The following GABRB1 variants were observed in gnomAD, a reference collection of about 807,000 sequenced individuals.
GABRB1 encodes gamma-aminobutyric acid type A receptor subunit beta1.
In GABRB1, 17 loss-of-function variants were observed where a neutral mutation model predicts 51.6. The observed-to-expected ratio is 0.33, with a 90% CI of 0.23 to 0.49. The LOEUF is 0.49. Ranked by LOEUF, GABRB1 falls within the 20% of genes least tolerant of loss-of-function variation. The probability of loss-of-function intolerance (pLI) is 0.99; values close to 1 mark genes in which losing one functional copy is unlikely to be tolerated. For synonymous variants in GABRB1, 247 were observed against 218.9 expected, an observed-to-expected ratio of 1.13 and a Z score of -1.14; for missense variants, 410 against 600.6, an observed-to-expected ratio of 0.68 and a Z score of 3.32.
At chr4:47,373,833 T>C (rs1170296995) in intron 5 of GABRB1, among the ~76,000 whole-genome samples, 1 of 152,134 alleles carries the variant, frequency 6.6e-6, no homozygotes, top group Non-Finnish European at 1.5e-5. Context: ...AAGATACATA[T>C]AGAGTGCGTA....
intron 4 of GABRB1, among the ~76,000 whole-genome samples, chr4:47,184,941 C>A (rs1412262984): frequency 6.6e-6 from 1 of 151,800 alleles, no homozygotes; most frequent in Non-Finnish European, 1.5e-5. Context: ...TTTTTATCTA[C>A]AAAACGATTA....
At chr4:47,135,626 A>AG (rs1716612079) in intron 3 of GABRB1, among the ~76,000 whole-genome samples, 1 of 152,016 alleles carries the variant, frequency 6.6e-6, no homozygotes, top group African/African-American at 2.4e-5. Flanking sequence ...CCTATTCTCT[A>AG]GTGCAAGCCT....
At chr4:47,083,038 G>A (rs770574813) in intron 3 of GABRB1, among the ~76,000 whole-genome samples, 5 of 152,136 alleles carry the variant, frequency 3.3e-5, no homozygotes, top group Non-Finnish European at 5.9e-5. Context: ...CTCTGCTAAA[G>A]TGCTACAGAA....
intron 3 of GABRB1, among the ~76,000 whole-genome samples, chr4:47,097,226 A>T (rs1381110644): frequency 6.6e-6 from 1 of 152,138 alleles, no homozygotes; most frequent in Non-Finnish European, 1.5e-5. Context: ...AATTTTTTTC[A>T]GACATTATCT....
chr4:47,176,600 C>A (rs921409885), intron 4 of GABRB1, among the ~76,000 whole-genome samples: 1 of 151,828 alleles, frequency 6.6e-6, no homozygotes, highest in Non-Finnish European at 1.5e-5. Context: ...AAGAGGGAGA[C>A]CTAGATTTGG....
intron 3 of GABRB1, among the ~76,000 whole-genome samples, chr4:47,068,605 C>T (rs1273681596): frequency 6.6e-6 from 1 of 152,240 alleles, no homozygotes; most frequent in African/African-American, 2.4e-5. Flanking sequence ...GAGGAAACAG[C>T]TTGTTGGTGG....
intron 2 of GABRB1, 114 bp from the exon 3 acceptor site, chr4:47,032,303 G>A (rs1314206917): frequency 3.1e-6 from 3 of 975,532 alleles, no homozygotes; most frequent in East Asian, 4.8e-5. Context: ...GGTGGTGGGG[G>A]GAGCAGGGAG....
At chr4:47,200,005 G>T (rs955141631) in intron 4 of GABRB1, among the ~76,000 whole-genome samples, 1 of 152,102 alleles carries the variant, frequency 6.6e-6, no homozygotes, top group Non-Finnish European at 1.5e-5. Context: ...ATTAACCAGG[G>T]TTATACTCTA....
At chr4:47,214,140 C>T (rs569043722) in intron 4 of GABRB1, among the ~76,000 whole-genome samples, 87 of 152,264 alleles carry the variant, frequency 5.7e-4, no homozygotes, top group African/African-American at 1.9e-3. Flanking sequence ...GATGGTTGTT[C>T]TCCATCTGTG....
chr4:47,183,623 C>T (rs569614068), intron 4 of GABRB1, among the ~76,000 whole-genome samples: 25 of 151,578 alleles, frequency 1.6e-4, no homozygotes, highest in Admixed American at 9.9e-4. Flanking sequence ...ATATAAATAC[C>T]TTCTTTTCCT....
chr4:47,116,901 G>T (rs1489282969), intron 3 of GABRB1, among the ~76,000 whole-genome samples: 1 of 152,076 alleles, frequency 6.6e-6, no homozygotes, highest in Non-Finnish European at 1.5e-5. Flanking sequence ...TCACATGGTG[G>T]AGCAGGAGAG....
At chr4:47,169,045 C>T (rs988919315) in intron 4 of GABRB1, among the ~76,000 whole-genome samples, 4 of 152,062 alleles carry the variant, frequency 2.6e-5, no homozygotes, top group Admixed American at 2.0e-4. Context: ...CTTGATTACC[C>T]CTCTAAAGAC....
chr4:47,189,992 G>C (rs1011938681), intron 4 of GABRB1, among the ~76,000 whole-genome samples: 1 of 151,990 alleles, frequency 6.6e-6, no homozygotes, highest in African/African-American at 2.4e-5. Flanking sequence ...TGGCATTCAT[G>C]ATTCCAGAAA....
intron 1 of GABRB1, among the ~76,000 whole-genome samples, chr4:47,024,920 G>T (rs1256062830): frequency 2.0e-5 from 1 of 49,680 alleles, no homozygotes; most frequent in African/African-American, 1.0e-4. Context: ...TTTATGGCTG[G>T]GTAGTATTCC....
chr4:47,107,104 G>A (rs1053244949), intron 3 of GABRB1, among the ~76,000 whole-genome samples: 2 of 152,070 alleles, frequency 1.3e-5, no homozygotes, highest in Non-Finnish European at 2.9e-5. Context: ...CAGCTAAAGA[G>A]CATCAGAAAG....
At chr4:47,092,467 C>T (rs1347986768) in intron 3 of GABRB1, among the ~76,000 whole-genome samples, 2 of 151,926 alleles carry the variant, frequency 1.3e-5, no homozygotes, top group Non-Finnish European at 2.9e-5. Context: ...GCCACTGCAC[C>T]CCGCCAATTC....
intron 5 of GABRB1, among the ~76,000 whole-genome samples, chr4:47,393,603 TAAA>T (rs1204546199): frequency 6.6e-6 from 1 of 152,234 alleles, no homozygotes; most frequent in Non-Finnish European, 1.5e-5. Context: ...GTTTTCTTGC[TAAA>T]ATTGAGTTGC....
At chr4:47,417,639 A>G (rs1728973692) in intron 8 of GABRB1, among the ~76,000 whole-genome samples, 1 of 152,230 alleles carries the variant, frequency 6.6e-6, no homozygotes, top group Non-Finnish European at 1.5e-5. Flanking sequence ...AGTTGGCTTC[A>G]TTAAGTAGAG....
chr4:47,335,546 C>A (rs1224819674), intron 5 of GABRB1, among the ~76,000 whole-genome samples: 6 of 152,078 alleles, frequency 3.9e-5, no homozygotes, highest in African/African-American at 1.2e-4. Context: ...ATTTTCACAG[C>A]TTCTTGACCA....
Sources: allele counts gnomAD v4.1 joint callset (sites outside exome capture counted in the v4.1 genomes callset), GRCh38; gene constraint gnomAD v4.1.1; transcripts MANE v1.5; gene names NCBI Gene and HGNC (gene_info 2026-07-23, HGNC 2026-07-21).